ENOX1: variants seen among roughly 807,000 people sequenced by gnomAD.
ENOX1 encodes candidate growth-related and time keeping constitutive hydroquinone (NADH) oxidase.
A neutral mutation model predicts 82.5 loss-of-function variants in ENOX1; 42 were observed. The ratio of observed to expected loss-of-function variants is 0.51; its 90% confidence interval spans 0.40 to 0.66. The LOEUF (loss-of-function observed/expected upper bound fraction) is 0.66. ENOX1 is among the 30% of genes least tolerant of loss of function. The probability of loss-of-function intolerance (pLI) is 0.00; values close to 1 mark genes in which losing one functional copy is unlikely to be tolerated. For missense variants in ENOX1, 608 were observed against 811.6 expected (o/e 0.75, Z 3.05); for synonymous variants, 271 against 282.2 (o/e 0.96, Z 0.40).
rs1251338667 is a variant in ENOX1 at position 43,688,478 on chromosome 13, C to T, written c.-284-20934G>A. Among the ~76,000 whole-genome samples the T allele has an allele frequency of 3.3e-5, 5 of 152,142 alleles. No individual in the cohort carries two copies. The South Asian group carries it at 1.0e-3, about 31-fold the overall frequency. On this transcript the variant is annotated intron_variant, in intron 1 of 16. Transcript: ENST00000690772. ...AAAGGACTAGATAAGAAATGCTTAG[C>T]CTTTGCCAGCCATATGGTTCCTGTC...
intron 1 of ENOX1, among the ~76,000 whole-genome samples, chr13:43,744,061 G>T (rs190741780): frequency 6.6e-6 from 1 of 152,142 alleles, no homozygotes; most frequent in African/African-American, 2.4e-5. Context: ...AAACTGTTGC[G>T]TTGGTGATGG....
chr13:43,493,080 C>T (rs1421240343), intron 2 of ENOX1, among the ~76,000 whole-genome samples: 2 of 152,094 alleles, frequency 1.3e-5, no homozygotes, highest in Non-Finnish European at 2.9e-5. Context: ...AGATTTTAGA[C>T]TTGCCAGTGT....
intron 1 of ENOX1, among the ~76,000 whole-genome samples, chr13:43,733,061 C>T (rs2089433659): frequency 6.6e-6 from 1 of 152,154 alleles, no homozygotes; most frequent in African/African-American, 2.4e-5. Context: ...GGAAACCTCC[C>T]TCCATACCTG....
chr13:43,643,987 C>G (rs936689809), intron 2 of ENOX1, among the ~76,000 whole-genome samples: 1 of 152,046 alleles, frequency 6.6e-6, no homozygotes, highest in Non-Finnish European at 1.5e-5. Flanking sequence ...AGTTGTTTGT[C>G]AAGTCTAAAA....
At chr13:43,777,108 A>G (rs1300401550) in intron 1 of ENOX1, among the ~76,000 whole-genome samples, 3 of 152,226 alleles carry the variant, frequency 2.0e-5, no homozygotes, top group African/African-American at 4.8e-5. Flanking sequence ...TTGCCATACA[A>G]TGGTCACCAG....
chr13:43,256,170 G>A (rs954952144), intron 14 of ENOX1, among the ~76,000 whole-genome samples: 8 of 152,092 alleles, frequency 5.3e-5, no homozygotes, highest in African/African-American at 2.4e-5. Context: ...GATTAAATAC[G>A]TAAATGTAAG....
At chr13:43,536,039 C>T (rs1214845412) in intron 2 of ENOX1, among the ~76,000 whole-genome samples, 1 of 151,480 alleles carries the variant, frequency 6.6e-6, no homozygotes. Flanking sequence ...TGTCTTGCAC[C>T]GTTCTACACA....
intron 16 of ENOX1, among the ~76,000 whole-genome samples, chr13:43,220,138 G>C (rs1027528566): frequency 1.3e-5 from 2 of 151,986 alleles, no homozygotes; most frequent in Non-Finnish European, 2.9e-5. Context: ...GGAATTCGAA[G>C]GAGTGAAGCA....
rs535941557 is a variant in ENOX1, at chr13:43,387,413, G to T, written c.208+24503C>A. ...GGAAGAGAGGGAGCAAAGGCCTGAA[G>T]GCAAGAGCAAACCTAGCATGTTTCA... On this transcript the variant is annotated intron_variant, in intron 5 of 16. Transcript: ENST00000690772. 5.3e-5 allele frequency among the ~76,000 whole-genome samples: 8 copies of T among 152,196 alleles called. No individual in the cohort carries two copies. In the South Asian group the frequency reaches 1.7e-3, roughly 32 times the overall value.
At chr13:43,693,221 A>AT (rs879724250) in intron 1 of ENOX1, among the ~76,000 whole-genome samples, 9 of 151,732 alleles carry the variant, frequency 5.9e-5, no homozygotes, top group South Asian at 2.1e-4. Context: ...GAATTATCTG[A>AT]TTTTTTTTCA....
chr13:43,407,907 G>T (rs2053896346), intron 5 of ENOX1, among the ~76,000 whole-genome samples: 1 of 152,128 alleles, frequency 6.6e-6, no homozygotes, highest in African/African-American at 2.4e-5. Context: ...CAAAGTATGG[G>T]GAATAAAACA....
chr13:43,303,482 G>T (rs190560853), intron 11 of ENOX1, among the ~76,000 whole-genome samples: 1 of 152,144 alleles, frequency 6.6e-6, no homozygotes, highest in Admixed American at 6.5e-5. Context: ...CTCCTGAGAG[G>T]TGACTGCCCT....
chr13:43,725,573 A>C (rs1050148516), intron 1 of ENOX1, among the ~76,000 whole-genome samples: 1 of 152,054 alleles, frequency 6.6e-6, no homozygotes, highest in Non-Finnish European at 1.5e-5. Context: ...TGTCAAATTT[A>C]ACTGCCACAA....
intron 2 of ENOX1, among the ~76,000 whole-genome samples, chr13:43,609,180 C>T (rs1184965163): frequency 6.6e-6 from 1 of 152,152 alleles, no homozygotes; most frequent in Non-Finnish European, 1.5e-5. Flanking sequence ...ATAGGTACTT[C>T]TTTATGGTTA....
At chr13:43,529,022 C>T (rs758792739) in intron 2 of ENOX1, among the ~76,000 whole-genome samples, 5 of 151,838 alleles carry the variant, frequency 3.3e-5, no homozygotes, top group Admixed American at 6.6e-5. Flanking sequence ...ATACGTTAAA[C>T]GTTTCTGCTT....
chr13:43,774,705 G>T (rs1261224114), intron 1 of ENOX1, among the ~76,000 whole-genome samples: 1 of 152,094 alleles, frequency 6.6e-6, no homozygotes, highest in African/African-American at 2.4e-5. Flanking sequence ...TTACAGACAG[G>T]TTCCAAAAAG....
At chr13:43,501,301 C>T (rs1159130152) in intron 2 of ENOX1, among the ~76,000 whole-genome samples, 3 of 151,674 alleles carry the variant, frequency 2.0e-5, no homozygotes, top group African/African-American at 7.2e-5. Context: ...GTCAGTTTAA[C>T]AGGAAGATAA....
intron 3 of ENOX1, among the ~76,000 whole-genome samples, chr13:43,419,426 G>A (rs189444633): frequency 9.1e-4 from 139 of 152,098 alleles, no homozygotes; most frequent in African/African-American, 2.5e-3. Context: ...CCCTCCTGTC[G>A]TCCCAGCTGC....
chr13:43,250,481 T>TCCTAAAAAA (rs1414849838), intron 14 of ENOX1, among the ~76,000 whole-genome samples: 6 of 152,226 alleles, frequency 3.9e-5, no homozygotes, highest in African/African-American at 1.4e-4. Flanking sequence ...AGCGGCTAGT[T>TCCTAAAAAA]ATGGGTCCAC....
Sources: gnomAD v4.1 joint callset for allele counts (sites outside exome capture counted in the v4.1 genomes callset) on GRCh38, gnomAD v4.1.1 for gene constraint, MANE v1.5 for transcripts, NCBI Gene and HGNC (gene_info 2026-07-23, HGNC 2026-07-21) for gene names.